The following IQSEC1 variants were observed in gnomAD, a reference collection of about 807,000 sequenced individuals.
IQSEC1 encodes the protein IQ motif and Sec7 domain ArfGEF 1.
Under a neutral mutation model 91.0 loss-of-function variants are expected in IQSEC1, and 31 were observed. The observed-to-expected ratio is 0.34, with a 90% confidence interval of 0.26 to 0.46. IQSEC1 has a LOEUF of 0.46. Among genes scored for constraint, IQSEC1 ranks in the 20% least tolerant of loss-of-function variants. IQSEC1 has a pLI of 1.00. For missense variants in IQSEC1, 1,388 were observed against 1,575.6 expected (o/e 0.88, Z 2.02); for synonymous variants, 699 against 662.6 (o/e 1.05, Z -0.84).
chr3:13,228,080 C>T (rs1694787212), intron 1 of IQSEC1, among the ~76,000 whole-genome samples: 1 of 152,168 alleles, frequency 6.6e-6, no homozygotes, highest in Non-Finnish European at 1.5e-5. Flanking sequence ...GTGTGATTTA[C>T]TCTCCTGACC....
chr3:13,073,100 CAAG>C lies in IQSEC1; in HGVS notation c.-89_-87del. ...TTCCAAGAGGAGCAGGCGGCTCAGG[CAAG>C]AAGTGGAGGGGAATAAAATTAAATC... On this transcript the variant is annotated 5_prime_UTR_variant, in exon 1 of 14. Coordinates refer to ENST00000613206, the MANE Select transcript of IQSEC1 (RefSeq NM_001134382.3). 6.9e-7 allele frequency: 1 copy of C among 1,455,200 alleles called. No individual in the cohort carries two copies. The highest frequency in any genetic ancestry group is 9.3e-7 in the Non-Finnish European group (1 of 1,070,352). The allele number at this position is 1,455,200 out of a possible 1,614,324, so 90.1% of individuals were successfully genotyped here. A position where few individuals can be genotyped will look rare whatever the true frequency, so the allele number is the denominator to read the frequency against.
intron 1 of IQSEC1, among the ~76,000 whole-genome samples, chr3:12,989,558 C>T (rs1465600936): frequency 2.0e-5 from 3 of 152,212 alleles, no homozygotes; most frequent in Middle Eastern, 3.4e-3. Flanking sequence ...CGAACCCAGC[C>T]CAGCTGCCTT....
intron 2 of IQSEC1, among the ~76,000 whole-genome samples, chr3:13,137,914 G>C (rs1706736382): frequency 6.6e-6 from 1 of 152,234 alleles, no homozygotes; most frequent in East Asian, 1.9e-4. Context: ...AAGAAAAAAA[G>C]AGGAGGATCA....
At chr3:13,002,827 A>T (rs1702477891) in intron 1 of IQSEC1, among the ~76,000 whole-genome samples, 1 of 152,174 alleles carries the variant, frequency 6.6e-6, no homozygotes, top group Non-Finnish European at 1.5e-5. Flanking sequence ...GCCAGACAAT[A>T]ACAAATGTGG....
At chr3:13,265,583 T>C (rs936282507) in intron 1 of IQSEC1, among the ~76,000 whole-genome samples, 1 of 152,022 alleles carries the variant, frequency 6.6e-6, no homozygotes, top group Admixed American at 6.6e-5. Context: ...CCAGGCTGGG[T>C]GGGACAGTTC....
At chr3:13,014,683 T>A (rs886656620) in intron 1 of IQSEC1, among the ~76,000 whole-genome samples, 1 of 152,234 alleles carries the variant, frequency 6.6e-6, no homozygotes, top group South Asian at 2.1e-4. Context: ...AAGCTTCCTC[T>A]GACCCATCTG....
chr3:12,999,225 A>T (rs1702332049), intron 1 of IQSEC1, among the ~76,000 whole-genome samples: 1 of 151,350 alleles, frequency 6.6e-6, no homozygotes, highest in Non-Finnish European at 1.5e-5. Context: ...GAGTACTAAG[A>T]CTCCTTACAA....
At chr3:13,047,094 C>T (rs530958701) in intron 1 of IQSEC1, among the ~76,000 whole-genome samples, 3 of 152,212 alleles carry the variant, frequency 2.0e-5, no homozygotes, top group Non-Finnish European at 4.4e-5. Context: ...AGGCTTCTCC[C>T]CTGGGCTGCA....
intron 1 of IQSEC1, among the ~76,000 whole-genome samples, chr3:13,246,234 C>T (rs1415925456): frequency 6.6e-6 from 1 of 152,134 alleles, no homozygotes; most frequent in Non-Finnish European, 1.5e-5. Flanking sequence ...CAGGGTGTGC[C>T]GCAGAGTAAA....
chr3:12,993,173 A>G (rs1308272142), intron 1 of IQSEC1, among the ~76,000 whole-genome samples: 2 of 151,940 alleles, frequency 1.3e-5, no homozygotes, highest in Non-Finnish European at 2.9e-5. Context: ...CCCTAAGCCA[A>G]CTCTCCTGGA....
At chr3:12,921,142 C>T (rs1435102343) in intron 5 of IQSEC1, among the ~76,000 whole-genome samples, 1 of 152,024 alleles carries the variant, frequency 6.6e-6, no homozygotes, top group African/African-American at 2.4e-5. Context: ...GCTTGCCACT[C>T]CCGCTGCCAC....
At chr3:13,232,410 C>G (rs1171861583) in intron 1 of IQSEC1, among the ~76,000 whole-genome samples, 1 of 152,226 alleles carries the variant, frequency 6.6e-6, no homozygotes, top group East Asian at 1.9e-4. Context: ...TGACCTCCCT[C>G]TCTGGCAGGA....
intron 1 of IQSEC1, among the ~76,000 whole-genome samples, chr3:13,212,064 C>T (rs1003998225): frequency 2.0e-4 from 30 of 152,348 alleles, no homozygotes; most frequent in Non-Finnish European, 1.0e-4. Flanking sequence ...CCATTGTGTG[C>T]TGTGCCTCTG....
Position 12,930,873 on chromosome 3 carries a change from C to T in IQSEC1, c.1568+4575G>A, listed in dbSNP as rs536790525. ...CTGCTTGTGGGGGTGAGGATAGACT[C>T]ACCAACTTCAGCATTCGGAGAGTCC... On this transcript the variant is annotated intron_variant, in intron 3 of 13. Transcript: ENST00000613206. Among the ~76,000 whole-genome samples the T allele has an allele frequency of 4.6e-5, 7 of 152,224 alleles. No homozygotes were observed. In the East Asian group the frequency reaches 1.4e-3, roughly 29 times the overall value.
chr3:13,069,329 C>A (rs1705338850), intron 1 of IQSEC1, among the ~76,000 whole-genome samples: 1 of 152,134 alleles, frequency 6.6e-6, no homozygotes, highest in African/African-American at 2.4e-5. Context: ...GATAACTGTG[C>A]CTGCAGAACT....
chr3:13,237,032 T>C (rs894662439), intron 1 of IQSEC1, among the ~76,000 whole-genome samples: 1 of 152,182 alleles, frequency 6.6e-6, no homozygotes. Context: ...GGAGGGGATG[T>C]GACTGTGCTC....
chr3:12,918,532 C>G (rs1193612658), intron 6 of IQSEC1, among the ~76,000 whole-genome samples: 1 of 152,152 alleles, frequency 6.6e-6, no homozygotes, highest in Non-Finnish European at 1.5e-5. Flanking sequence ...AAAAAAAAAC[C>G]TGGCCAGGCA....
At chr3:13,278,139 G>A (rs948480516) in intron 1 of IQSEC1, among the ~76,000 whole-genome samples, 17 of 152,256 alleles carry the variant, frequency 1.1e-4, no homozygotes, top group African/African-American at 3.4e-4. Context: ...AACCTCCCCC[G>A]GAGTGAGTCA....
At chr3:13,141,859 C>A (rs1022086255) in intron 2 of IQSEC1, among the ~76,000 whole-genome samples, 1 of 152,194 alleles carries the variant, frequency 6.6e-6, no homozygotes, top group African/African-American at 2.4e-5. Flanking sequence ...ATCTTCTCCT[C>A]CTCTCCCTGT....
Sources: allele counts gnomAD v4.1 joint callset (sites outside exome capture counted in the v4.1 genomes callset), GRCh38; gene constraint gnomAD v4.1.1; transcripts MANE v1.5; gene names NCBI Gene and HGNC (gene_info 2026-07-23, HGNC 2026-07-21).